The following PTK2B variants were observed in gnomAD, a reference collection of about 807,000 sequenced individuals.
The protein encoded by PTK2B is protein-tyrosine kinase 2-beta.
PTK2B carries 71 observed loss-of-function variants against 142.9 expected under a neutral mutation model. That is an observed-to-expected ratio of 0.50 (90% CI 0.41 to 0.61). The LOEUF is 0.61. Ranked by LOEUF, PTK2B falls within the 20% of genes least tolerant of loss-of-function variation. PTK2B has a pLI of 0.00. For synonymous variants in PTK2B, 519 were observed against 503.4 expected, an observed-to-expected ratio of 1.03 and a Z score of -0.42; for missense variants, 1,105 against 1,320.4, an observed-to-expected ratio of 0.84 and a Z score of 2.53.
intron 1 of PTK2B, among the ~76,000 whole-genome samples, chr8:27,364,205 G>C (rs750098675): frequency 2.0e-5 from 3 of 152,236 alleles, no homozygotes; most frequent in Non-Finnish European, 4.4e-5. Flanking sequence ...GCCACTGACT[G>C]CCACCAGAGG....
At chr8:27,367,639 T>G (rs1227746784) in intron 1 of PTK2B, among the ~76,000 whole-genome samples, 1 of 152,240 alleles carries the variant, frequency 6.6e-6, no homozygotes, top group African/African-American at 2.4e-5. Flanking sequence ...GAAAAGAGGC[T>G]TAATTGGCTC....
At chr8:27,319,004 C>A (rs1207071461) in intron 3 of PTK2B, among the ~76,000 whole-genome samples, 4 of 152,120 alleles carry the variant, frequency 2.6e-5, no homozygotes, top group Non-Finnish European at 5.9e-5. Context: ...TGTTTTCCAT[C>A]CTTCCAAAAA....
At chr8:27,430,199 C>T in intron 6 of PTK2B, 44 bp downstream of exon 6, 1 of 1,591,930 alleles carries the variant, frequency 6.3e-7, no homozygotes, top group East Asian at 2.2e-5. Context: ...CCTGTCCTTC[C>T]ATGTGTACTT....
intron 3 of PTK2B, among the ~76,000 whole-genome samples, chr8:27,320,371 T>C (rs999662861): frequency 1.1e-4 from 16 of 152,102 alleles, no homozygotes; most frequent in Admixed American, 3.3e-4. Flanking sequence ...TACCTGGAGA[T>C]AGCATCAGAT....
intron 2 of PTK2B, among the ~76,000 whole-genome samples, chr8:27,404,251 G>T (rs1490364661): frequency 6.6e-6 from 1 of 152,120 alleles, no homozygotes; most frequent in African/African-American, 2.4e-5. Flanking sequence ...CTCTTTTCAT[G>T]TGCTCATCTC....
At chr8:27,385,120 T>A (rs956365569) in intron 1 of PTK2B, among the ~76,000 whole-genome samples, 3 of 152,094 alleles carry the variant, frequency 2.0e-5, no homozygotes, top group Non-Finnish European at 4.4e-5. Context: ...GGAGACCTCA[T>A]CCATGGGACA....
At chr8:27,321,711 G>A (rs1237377843), upstream of PTK2B, among the ~76,000 whole-genome samples, 5 of 152,152 alleles carry the variant, frequency 3.3e-5, 1 homozygote, top group Non-Finnish European at 7.4e-5. Flanking sequence ...TCACATGGTC[G>A]CACCTGGTCA....
chr8:27,451,359 AC>A (rs1402527118), intron 26 of PTK2B, 125 bp from the exon 27 acceptor site: 5 of 1,463,574 alleles, frequency 3.4e-6, no homozygotes, highest in Admixed American at 4.2e-5. Flanking sequence ...TCCCAGAAGC[AC>A]CCCCGACCCC....
chr8:27,406,471 C>T (rs939812612), intron 2 of PTK2B, among the ~76,000 whole-genome samples: 1 of 152,190 alleles, frequency 6.6e-6, no homozygotes, highest in South Asian at 2.1e-4. Flanking sequence ...AGTGAGTGGG[C>T]CTTTTGTCCA....
chr8:27,385,542 C>T (rs181200834), intron 1 of PTK2B, among the ~76,000 whole-genome samples: 1 of 152,256 alleles, frequency 6.6e-6, no homozygotes, highest in Admixed American at 6.5e-5. Context: ...CCTCATCTAG[C>T]TTGGTGGTAA....
intron 28 of PTK2B, 62 bp downstream of exon 28, chr8:27,453,222 A>G: frequency 6.3e-7 from 1 of 1,578,916 alleles, no homozygotes; most frequent in Non-Finnish European, 8.7e-7. Flanking sequence ...ACTGAAGACC[A>G]TGGTCTATGA....
At chr8:27,434,418 C>A in intron 12 of PTK2B, 95 bp from the exon 13 acceptor site, 2 of 1,363,754 alleles carry the variant, frequency 1.5e-6, no homozygotes, top group Admixed American at 4.4e-5. Context: ...ACTACTTCTC[C>A]ACAGGGGGCA....
At chr8:27,358,629 A>G (rs1407160799) in intron 1 of PTK2B, among the ~76,000 whole-genome samples, 1 of 152,096 alleles carries the variant, frequency 6.6e-6, no homozygotes, top group East Asian at 1.9e-4. Flanking sequence ...TTGTCTTTTA[A>G]CAGGCAATTT....
At chr8:27,434,067 C>G (rs368891690) in intron 11 of PTK2B, 26 bp from the exon 12 acceptor site, 1 of 1,613,494 alleles carries the variant, frequency 6.2e-7, no homozygotes, top group African/African-American at 1.3e-5. Context: ...CCAGCTCCAA[C>G]CTCCTCCTTC....
intron 20 of PTK2B, 34 bp from the exon 21 acceptor site, chr8:27,440,203 C>T: frequency 6.2e-7 from 1 of 1,608,110 alleles, no homozygotes. Context: ...ACTGGTCTCC[C>T]CCACCCAGGG....
intron 5 of PTK2B, among the ~76,000 whole-genome samples, chr8:27,422,727 C>T (rs1809840381): frequency 6.6e-6 from 1 of 152,200 alleles, no homozygotes; most frequent in Non-Finnish European, 1.5e-5. Flanking sequence ...ATCTGGGGGA[C>T]ATTCGAGCCT....
rs1563292143 is a variant in PTK2B at position 27,440,303 on chromosome 8, T to G, written c.1901T>G (p.Val634Gly). ...TTCTTCTGGCTGGAGAACAAGGATG[T>G]CATCGGGGTGCTGGAGAAAGGAGAC... The part of the protein sequence containing the change: ...QPFFWLENKD[V>G]IGVLEKGDRL... The change falls in exon 21 of 31, where the codon GTC becomes GGC. Residue 634 changes from valine to glycine, a missense_variant. Coordinates refer to ENST00000346049, the MANE Select transcript of PTK2B (RefSeq NM_173176.3). The G allele has an allele frequency of 1.2e-6, 2 of 1,614,140 alleles. No individual in the cohort carries two copies. The highest frequency in any genetic ancestry group is 8.5e-7 in the Non-Finnish European group (1 of 1,180,014).
chr8:27,311,128 G>A (rs763860168), upstream of PTK2B: 3 of 1,601,156 alleles, frequency 1.9e-6, no homozygotes, highest in Non-Finnish European at 2.6e-6. Flanking sequence ...AGTTGTGGCC[G>A]CAGCGCAGAG....
intron 1 of PTK2B, among the ~76,000 whole-genome samples, chr8:27,368,179 G>A (rs1806131066): frequency 1.3e-5 from 2 of 152,216 alleles, no homozygotes; most frequent in South Asian, 2.1e-4. Flanking sequence ...GCTCCTGTTA[G>A]AGCTGATGCT....
Sources: gnomAD v4.1 joint callset for allele counts (sites outside exome capture counted in the v4.1 genomes callset) on GRCh38, gnomAD v4.1.1 for gene constraint, MANE v1.5 for transcripts, NCBI Gene and HGNC (gene_info 2026-07-23, HGNC 2026-07-21) for gene names.